Variants in GET3 observed in about 807,000 individuals in gnomAD.
The protein encoded by GET3 is ATPase GET3.
Under a neutral mutation model 32.4 loss-of-function variants are expected in GET3, and 15 were observed. The ratio of observed to expected loss-of-function variants is 0.46; its 90% CI spans 0.31 to 0.71. The LOEUF (loss-of-function observed/expected upper bound fraction) is 0.71. Ranked by LOEUF, GET3 falls within the 30% of genes least tolerant of loss-of-function variation. The pLI is 0.05. For missense variants in GET3, 333 were observed against 459.0 expected, an observed-to-expected ratio of 0.73 and a Z score of 2.51; for synonymous variants, 198 against 185.6, an observed-to-expected ratio of 1.07 and a Z score of -0.54.
rs201284666 is a variant in GET3 at position 12,748,119 on chromosome 19, C to G, written c.*15C>G. The G allele has an allele frequency of 1.3e-5, 20 of 1,565,340 alleles. No homozygotes were observed. The East Asian group carries it at 4.3e-4, about 34-fold the overall frequency. On this transcript the variant is annotated 3_prime_UTR_variant, in exon 7 of 7. Transcript: ENST00000357332. ...GTGCCCAGTAGCACAGCTGCCAGCC[C>G]CAACCGCTGCCATTTCACACTCACC...
chr19:12,738,394 C>G (rs964156813), intron 1 of GET3, 117 bp from the exon 2 acceptor site: 3 of 1,330,544 alleles, frequency 2.3e-6, no homozygotes, highest in Non-Finnish European at 2.1e-6. Context: ...ATACTCTCCT[C>G]TCAAGGCCCC....
chr19:12,740,304 C>A (rs928674817), intron 2 of GET3, among the ~76,000 whole-genome samples: 1 of 147,196 alleles, frequency 6.8e-6, no homozygotes, highest in Non-Finnish European at 1.5e-5. Context: ...TGGCGTGAAC[C>A]CCGGAGGCGG....
chr19:12,742,706 G>A (rs1300039706), intron 2 of GET3, among the ~76,000 whole-genome samples: 5 of 151,944 alleles, frequency 3.3e-5, no homozygotes, highest in African/African-American at 7.3e-5. Context: ...GAGCCACCGC[G>A]CCTGGCCTGT....
Position 12,747,936 on chromosome 19 carries a change from C to G in GET3, c.916-37C>G, listed in dbSNP as rs774616755. The G allele has an allele frequency of 6.4e-7, 1 of 1,554,876 alleles. No individual in the cohort carries two copies. Among genetic ancestry groups the G allele is most frequent in the South Asian group, 1.2e-5 (1 of 83,406 alleles). On this transcript the variant is annotated intron_variant, in intron 6 of 6. Coordinates refer to ENST00000357332, the MANE Select transcript of GET3 (RefSeq NM_004317.4). This position sits in a 1 kb window ranked among gnomAD's most constrained non-coding sequence, Gnocchi z 4.0. ...ACACTCTGTCTCTGCCTTCCTGCCC[C>G]CTGACCACTGCCTTCTACCCTCTGC...
At position 12,747,423 on chromosome 19, in the gene GET3, T is replaced by C. The variant is rs1377798223; in HGVS notation, c.746T>C (p.Ile249Thr). ...CAGACAACTTTCATCTGCGTATGCA[T>C]TGCTGAGTTCCTGTCCCTGTATGAG... ...PEQTTFICVCIAEFLSLYETE... is the reference protein window; with the variant it reads ...PEQTTFICVCTAEFLSLYETE... Residue 249 changes from isoleucine to threonine, a missense_variant, in exon 6 of 7, where the codon ATT (isoleucine) becomes ACT (threonine). This residue lies in a region of GET3 where 230 missense variants were observed against 389.2 expected (regional missense o/e 0.59). Transcript: ENST00000357332. The surrounding 1 kb of genome is among the most constrained non-coding windows in gnomAD (Gnocchi z 4.0). 1 of 1,614,066 alleles carries C rather than the reference T, an allele frequency of 6.2e-7. No homozygotes were observed. The highest frequency in any genetic ancestry group is 1.7e-5 in the Admixed American group (1 of 60,012).
Position 12,747,156 on chromosome 19 carries a change from G to A in GET3, c.610-41G>A, listed in dbSNP as rs542127544. On this transcript the variant is annotated intron_variant, in intron 4 of 6. Transcript: ENST00000357332. This position sits in a 1 kb window ranked among gnomAD's most constrained non-coding sequence, Gnocchi z 4.0. The stretch of plus-strand genomic sequence containing the variant: ...TAGTGAACCCCCAACCCAGGAGGTC[G>A]CCGCAGGTAAGCTATGAGCCCTCCC... The A allele has an allele frequency of 4.5e-5, 68 of 1,515,822 alleles. No individual in the cohort carries two copies. Among genetic ancestry groups the A allele is most frequent in the Middle Eastern group, 2.3e-4 (1 of 4,348 alleles). 93.9% of individuals were successfully genotyped at this position (1,515,822 alleles called of 1,614,324 possible). A position where few individuals can be genotyped will look rare whatever the true frequency, so the allele number is the denominator to read the frequency against.
At chr19:12,744,503 A>G (rs1224926437) in intron 2 of GET3, among the ~76,000 whole-genome samples, 1 of 152,086 alleles carries the variant, frequency 6.6e-6, no homozygotes, top group Middle Eastern at 3.2e-3. Context: ...TATTTTTAGT[A>G]GAGACGGGGT....
rs1056958713 is a variant in GET3, at chr19:12,738,941, C to T, written c.309+283C>T. On this transcript the variant is annotated intron_variant, in intron 2 of 6. Transcript: ENST00000357332. ...CCTTATGGGCCACTAAGAAGTTTGG[C>T]ATTGACTCCAGGTTATTAACGGGAA... 4.6e-5 allele frequency among the ~76,000 whole-genome samples: 7 copies of T among 152,204 alleles called. No individual in the cohort carries two copies. In the South Asian group the frequency reaches 1.0e-3, roughly 22 times the overall value.
chr19:12,739,127 C>T (rs8177472), intron 2 of GET3, among the ~76,000 whole-genome samples: 1 of 151,192 alleles, frequency 6.6e-6, no homozygotes, highest in Non-Finnish European at 1.5e-5. Flanking sequence ...ATCCTGGACT[C>T]TGGTGGAGGC....
chr19:12,745,804 G>A lies in GET3; in HGVS notation c.609+45G>A. On this transcript the variant is annotated intron_variant, in intron 4 of 6. Transcript: ENST00000357332. The surrounding 1 kb of genome is among the most constrained non-coding windows in gnomAD (Gnocchi z 5.0). Reference sequence around the variant, plus strand: ...ACCTGCACCATCCAGGCAGCCGGGAGTGGGAGTAGGCCCGGGCCCCCAGAC... The same window carrying A: ...ACCTGCACCATCCAGGCAGCCGGGAATGGGAGTAGGCCCGGGCCCCCAGAC... 1 of 1,559,940 alleles carries A rather than the reference G, an allele frequency of 6.4e-7. No homozygotes were observed. The highest frequency in any genetic ancestry group is 1.4e-5 in the African/African-American group (1 of 73,670).
At position 12,747,142 on chromosome 19, in the gene GET3, C is replaced by G. The variant is rs1490682219; in HGVS notation, c.610-55C>G. ...ATCCCTCGGGTGTTTAGTGAACCCC[C>G]AACCCAGGAGGTCGCCGCAGGTAAG... On this transcript the variant is annotated intron_variant, in intron 4 of 6. Transcript: ENST00000357332. The surrounding 1 kb of genome is among the most constrained non-coding windows in gnomAD (Gnocchi z 4.0). 3 of 1,493,156 alleles carry G rather than the reference C, an allele frequency of 2.0e-6. No homozygotes were observed. Among genetic ancestry groups the G allele is most frequent in the Non-Finnish European group, 2.7e-6 (3 of 1,106,642 alleles). 92.5% of individuals were successfully genotyped at this position (1,493,156 alleles called of 1,614,324 possible). A position where few individuals can be genotyped will look rare whatever the true frequency, so the allele number is the denominator to read the frequency against.
Position 12,747,962 on chromosome 19 carries a change from C to T in GET3, c.916-11C>T, listed in dbSNP as rs1967805880. On this transcript the variant is annotated splice_polypyrimidine_tract_variant and intron_variant, in intron 6 of 6. Coordinates refer to ENST00000357332, the MANE Select transcript of GET3 (RefSeq NM_004317.4). The surrounding 1 kb of genome is among the most constrained non-coding windows in gnomAD (Gnocchi z 4.0). The stretch of plus-strand genomic sequence containing the variant: ...CTGACCACTGCCTTCTACCCTCTGC[C>T]CTGGCTGCAGATGGAGGACCTGTAT... The T allele has an allele frequency of 6.3e-6, 10 of 1,588,372 alleles. No individual in the cohort carries two copies. Among genetic ancestry groups the T allele is most frequent in the African/African-American group, 2.7e-5 (2 of 74,630 alleles).
chr19:12,744,343 A>T (rs1967729759), intron 2 of GET3, among the ~76,000 whole-genome samples: 1 of 151,726 alleles, frequency 6.6e-6, no homozygotes, highest in Non-Finnish European at 1.5e-5. Flanking sequence ...TTTTTGAGAC[A>T]GAGTCTCCCT....
At chr19:12,743,831 G>T (rs1967718893) in intron 2 of GET3, among the ~76,000 whole-genome samples, 1 of 131,328 alleles carries the variant, frequency 7.6e-6, no homozygotes, top group Non-Finnish European at 1.6e-5. Context: ...TGGGGTTCAT[G>T]CCATTCTCCT....
At position 12,745,403 on chromosome 19, in the gene GET3, G is replaced by A. The variant is rs8177485; in HGVS notation, c.336G>A (p.Ala112=). The A allele has an allele frequency of 1.3e-3, 2,056 of 1,611,748 alleles. 20 individuals carry two copies. The African/African-American group carries it at 0.024, about 19-fold the overall frequency. ...AMEIDPSLGV[A]ELPDEFFEED... ...AGATTGACCCCAGCCTGGGCGTGGC[G>A]GAGCTGCCTGACGAGTTCTTCGAGG... Residue 112 remains alanine (A), a synonymous_variant, in exon 3 of 7, where the codon GCG becomes GCA. Transcript: ENST00000357332. The surrounding 1 kb of genome is among the most constrained non-coding windows in gnomAD (Gnocchi z 5.0).
chr19:12,737,767 C>T, intron 1 of GET3, 101 bp downstream of exon 1: 2 of 1,427,132 alleles, frequency 1.4e-6, no homozygotes, highest in Non-Finnish European at 1.8e-6. Context: ...GGCATGGGGG[C>T]TGGCGGGGGT....
Position 12,747,138 on chromosome 19 carries a change from C to A in GET3, c.610-59C>A. On this transcript the variant is annotated intron_variant, in intron 4 of 6. Coordinates refer to ENST00000357332, the MANE Select transcript of GET3 (RefSeq NM_004317.4). This position sits in a 1 kb window ranked among gnomAD's most constrained non-coding sequence, Gnocchi z 4.0. Reference sequence around the variant, plus strand: ...AGTCATCCCTCGGGTGTTTAGTGAACCCCCAACCCAGGAGGTCGCCGCAGG... The same window carrying A: ...AGTCATCCCTCGGGTGTTTAGTGAAACCCCAACCCAGGAGGTCGCCGCAGG... The A allele has an allele frequency of 2.0e-6, 3 of 1,470,106 alleles. No individual in the cohort carries two copies. The highest frequency in any genetic ancestry group is 2.8e-6 in the Non-Finnish European group (3 of 1,084,664). 91.1% of individuals were successfully genotyped at this position (1,470,106 alleles called of 1,614,324 possible).
At position 12,748,319 on chromosome 19, in the gene GET3, A is replaced by C; in HGVS notation, c.*215A>C. 2.2e-6 allele frequency: 1 copy of C among 457,220 alleles called. No individual in the cohort carries two copies. The highest frequency in any genetic ancestry group is 2.0e-5 in the African/African-American group (1 of 50,666). 28.3% of individuals were successfully genotyped at this position (457,220 alleles called of 1,614,324 possible). A position where few individuals can be genotyped will look rare whatever the true frequency, so the allele number is the denominator to read the frequency against. ...TTGCTCTTCAATAAAATGATCTTAA[A>C]CTGCTGTATTGTTGACATTGGGAGG... On this transcript the variant is annotated 3_prime_UTR_variant, in exon 7 of 7. Transcript: ENST00000357332.
rs1230659072 is a variant in GET3 at position 12,738,676 on chromosome 19, T to C, written c.309+18T>C. The C allele has an allele frequency of 1.9e-6, 3 of 1,614,028 alleles. No homozygotes were observed. The highest frequency in any genetic ancestry group is 2.5e-6 in the Non-Finnish European group (3 of 1,179,984). On this transcript the variant is annotated intron_variant, in intron 2 of 6. Coordinates refer to ENST00000357332, the MANE Select transcript of GET3 (RefSeq NM_004317.4). ...TTGCTATGGTGAGTGGAACAGGGCT[T>C]AGCCCCCACTTCTGGGAAAAGCCTC...
Sources: gnomAD v4.1 joint callset for allele counts (sites outside exome capture counted in the v4.1 genomes callset) on GRCh38, gnomAD v4.1.1 for gene constraint, gnomAD v4.1.1 regional missense constraint, Gnocchi (gnomAD v3.1) non-coding constraint, MANE v1.5 for transcripts, NCBI Gene and HGNC (gene_info 2026-07-23, HGNC 2026-07-21) for gene names.